The following PGBD5 variants were observed in gnomAD, a reference collection of about 807,000 sequenced individuals.
PGBD5 encodes piggyBac transposable element derived 5.
PGBD5 carries 14 observed loss-of-function variants against 47.9 expected under a neutral mutation model. That is an observed-to-expected ratio of 0.29 (90% CI 0.19 to 0.46). PGBD5 has a LOEUF of 0.46. Ranked by LOEUF, PGBD5 falls within the 20% of genes least tolerant of loss-of-function variation. The pLI is 1.00. For synonymous variants in PGBD5, 316 were observed against 306.3 expected (o/e 1.03, Z -0.33); for missense variants, 635 against 716.0 (o/e 0.89, Z 1.29).
At chr1:230,419,776 C>A (rs1160263060) in intron 1 of PGBD5, among the ~76,000 whole-genome samples, 1 of 152,122 alleles carries the variant, frequency 6.6e-6, no homozygotes, top group South Asian at 2.1e-4. Context: ...AAAATCCTTA[C>A]CTCAATATTG....
At chr1:230,327,721 G>C (rs546254028) in intron 5 of PGBD5, among the ~76,000 whole-genome samples, 64 of 152,372 alleles carry the variant, frequency 4.2e-4, no homozygotes, top group African/African-American at 1.4e-3. Flanking sequence ...CAGCGCACCA[G>C]GCGCCAGGGA....
In PGBD5 at chr1:230,425,245, C is replaced by T. The variant is rs931710391; in HGVS notation, c.331+353G>A. On this transcript the variant is annotated intron_variant, in intron 1 of 6. Coordinates refer to ENST00000391860, the MANE Select transcript of PGBD5 (RefSeq NM_001258311.2). This position sits in a 1 kb window ranked among gnomAD's most constrained non-coding sequence, Gnocchi z 4.7. ...GCCACGCCGGGCTTTCAGAAAAGCCCCCTCAACTAGGAAAGCCTAACTTCA... is the reference window on the plus strand; with the variant it reads ...GCCACGCCGGGCTTTCAGAAAAGCCTCCTCAACTAGGAAAGCCTAACTTCA... 6.6e-6 allele frequency among the ~76,000 whole-genome samples: 1 copy of T among 152,134 alleles called. No individual in the cohort carries two copies. The highest frequency in any genetic ancestry group is 1.9e-4 in the East Asian group (1 of 5,190).
intron 5 of PGBD5, among the ~76,000 whole-genome samples, chr1:230,328,783 C>T (rs1342966232): frequency 6.6e-6 from 1 of 152,192 alleles, no homozygotes; most frequent in Non-Finnish European, 1.5e-5. Context: ...TATTCATATG[C>T]AGACATTCTG....
At chr1:230,363,330 C>T (rs778405200) in intron 1 of PGBD5, among the ~76,000 whole-genome samples, 5 of 152,166 alleles carry the variant, frequency 3.3e-5, no homozygotes, top group Non-Finnish European at 7.3e-5. Flanking sequence ...GCCTGTAATC[C>T]CAGTACTTTA....
At chr1:230,415,136 C>A (rs1002407151) in intron 1 of PGBD5, among the ~76,000 whole-genome samples, 2 of 152,030 alleles carry the variant, frequency 1.3e-5, no homozygotes, top group African/African-American at 2.4e-5. Context: ...GGCATGGTGG[C>A]GCCTATCTGT....
chr1:230,403,416 G>T (rs761650323), intron 1 of PGBD5, among the ~76,000 whole-genome samples: 1 of 152,226 alleles, frequency 6.6e-6, no homozygotes, highest in Non-Finnish European at 1.5e-5. Flanking sequence ...TGTCTCTACA[G>T]CACTGAGAAG....
intron 3 of PGBD5, among the ~76,000 whole-genome samples, chr1:230,346,730 G>A (rs1422836374): frequency 1.3e-5 from 2 of 152,158 alleles, no homozygotes; most frequent in African/African-American, 4.8e-5. Flanking sequence ...ATATGACTCT[G>A]GGGGTGTTTC....
intron 1 of PGBD5, among the ~76,000 whole-genome samples, chr1:230,361,900 G>A (rs1046217409): frequency 2.0e-5 from 3 of 152,216 alleles, no homozygotes; most frequent in African/African-American, 7.2e-5. Context: ...TCTGAGATGG[G>A]CTTAAAAGGG....
rs77403429 is a variant in PGBD5 at position 230,412,859 on chromosome 1, C to T, written c.331+12739G>A. Among the ~76,000 whole-genome samples the T allele has an allele frequency of 8.1e-3, 1,228 of 152,176 alleles. 16 individuals carry two copies. The highest frequency in any genetic ancestry group is 0.028 in the African/African-American group (1,177 of 41,486). ...TTCAAGAGTCAACTGTATATATTTT[C>T]GCATGCATAATTTTTTTAAAGATTG... On this transcript the variant is annotated intron_variant, in intron 1 of 6. Coordinates refer to ENST00000391860, the MANE Select transcript of PGBD5 (RefSeq NM_001258311.2).
Position 230,357,324 on chromosome 1 carries a change from G to A in PGBD5, c.332-3C>T, listed in dbSNP as rs1463450537. 6.2e-7 allele frequency: 1 copy of A among 1,612,152 alleles called. No homozygotes were observed. The highest frequency in any genetic ancestry group is 8.5e-7 in the Non-Finnish European group (1 of 1,178,834). On this transcript the variant is annotated splice_region_variant and splice_polypyrimidine_tract_variant and intron_variant, in intron 1 of 6. Coordinates refer to ENST00000391860, the MANE Select transcript of PGBD5 (RefSeq NM_001258311.2). This position sits in a 1 kb window ranked among gnomAD's most constrained non-coding sequence, Gnocchi z 5.7. The stretch of plus-strand genomic sequence containing the variant: ...GGGGGGCATCTTTCGGGTGGGACCT[G>A]AAACCCAAAGACAGGTGGAGTGTTC...
chr1:230,370,498 T>C (rs541884157), intron 1 of PGBD5, among the ~76,000 whole-genome samples: 1 of 152,362 alleles, frequency 6.6e-6, no homozygotes, highest in South Asian at 2.1e-4. Context: ...ATGTGCAGGC[T>C]TGTGTTCTGT....
Position 230,315,723 on chromosome 1 carries a change from ATAT to A in PGBD5, c.*7699_*7701del, listed in dbSNP as rs1666925121. 1 of 151,312 alleles carries A rather than the reference ATAT, an allele frequency of 6.6e-6. No individual in the cohort carries two copies. Among genetic ancestry groups the A allele is most frequent in the African/African-American group, 2.4e-5 (1 of 41,186 alleles). The allele number at this position is 151,312 out of a possible 1,614,324, so 9.4% of individuals were successfully genotyped here. On this transcript the variant is annotated 3_prime_UTR_variant, in exon 7 of 7. Coordinates refer to ENST00000391860, the MANE Select transcript of PGBD5 (RefSeq NM_001258311.2). The stretch of plus-strand genomic sequence containing the variant: ...ACACATACACACAAGATAGATATAT[ATAT>A]TAAGTGGACACTGTATGTGTATATA...
At chr1:230,397,102 G>A (rs1657004980) in intron 1 of PGBD5, among the ~76,000 whole-genome samples, 1 of 152,150 alleles carries the variant, frequency 6.6e-6, no homozygotes, top group South Asian at 2.1e-4. Flanking sequence ...CAAGAGATGG[G>A]AATCAAGACT....
intron 1 of PGBD5, among the ~76,000 whole-genome samples, chr1:230,395,260 C>G (rs573911553): frequency 7.3e-5 from 3 of 41,142 alleles, no homozygotes; most frequent in Non-Finnish European, 1.5e-4. Flanking sequence ...CTTCTCCCCC[C>G]CTCACGCTTC....
At chr1:230,408,447 G>T (rs938802550) in intron 1 of PGBD5, among the ~76,000 whole-genome samples, 1 of 152,134 alleles carries the variant, frequency 6.6e-6, no homozygotes, top group African/African-American at 2.4e-5. Flanking sequence ...GTCTTGTTGA[G>T]GGGAAAGTAG....
Position 230,337,073 on chromosome 1 carries a change from G to T in PGBD5, c.1075+35C>A, listed in dbSNP as rs567046802. ...TCCCACCACTTTCCCAGGGGAGGCTGGGCCGTATCCTCACTGGCTCCCCAC... is the reference window on the plus strand; with the variant it reads ...TCCCACCACTTTCCCAGGGGAGGCTTGGCCGTATCCTCACTGGCTCCCCAC... On this transcript the variant is annotated intron_variant, in intron 4 of 6. Transcript: ENST00000391860. 1.9e-6 allele frequency: 3 copies of T among 1,600,260 alleles called. No individual in the cohort carries two copies. In the African/African-American group the frequency reaches 4.0e-5, roughly 21 times the overall value.
chr1:230,354,722 G>A (rs749742328), intron 2 of PGBD5, among the ~76,000 whole-genome samples: 5 of 152,084 alleles, frequency 3.3e-5, no homozygotes, highest in African/African-American at 4.8e-5. Context: ...CCCTTAACCC[G>A]GATCACACCC....
chr1:230,347,074 T>C (rs993595666), intron 3 of PGBD5, among the ~76,000 whole-genome samples: 6 of 152,174 alleles, frequency 3.9e-5, no homozygotes, highest in African/African-American at 1.4e-4. Flanking sequence ...TCTTAGGCTC[T>C]AGAAAAGAAC....
At chr1:230,387,622 T>C (rs1178237169) in intron 1 of PGBD5, among the ~76,000 whole-genome samples, 2 of 152,162 alleles carry the variant, frequency 1.3e-5, no homozygotes, top group Non-Finnish European at 2.9e-5. Context: ...TGCAATACTT[T>C]CCAGCTATTC....
Sources: gnomAD v4.1 joint callset for allele counts (sites outside exome capture counted in the v4.1 genomes callset) on GRCh38, gnomAD v4.1.1 for gene constraint, Gnocchi (gnomAD v3.1) non-coding constraint, MANE v1.5 for transcripts, NCBI Gene and HGNC (gene_info 2026-07-23, HGNC 2026-07-21) for gene names.